Variants in LPP observed in about 807,000 individuals in gnomAD.
LPP encodes the protein LIM domain containing preferred translocation partner in lipoma.
A neutral mutation model predicts 60.4 loss-of-function variants in LPP; 38 were observed. That is an observed-to-expected ratio of 0.63 (90% CI 0.49 to 0.83). LPP has a LOEUF of 0.83. Among genes scored for constraint, LPP ranks in the 40% least tolerant of loss-of-function variants. The pLI, the probability that LPP is intolerant of heterozygous loss-of-function variation, is 0.00. For synonymous variants in LPP, 328 were observed against 290.8 expected (o/e 1.13, Z -1.30); for missense variants, 902 against 783.6 (o/e 1.15, Z -1.80).
intron 7 of LPP, among the ~76,000 whole-genome samples, chr3:188,635,987 A>T (rs1848657782): frequency 6.6e-6 from 1 of 152,230 alleles, no homozygotes; most frequent in Admixed American, 6.5e-5. Flanking sequence ...TGAAAAGGAA[A>T]TTGAAGGATG....
intron 2 of LPP, among the ~76,000 whole-genome samples, chr3:188,240,336 G>C (rs1577477132): frequency 1.3e-5 from 2 of 148,794 alleles, no homozygotes; most frequent in South Asian, 2.1e-4. Flanking sequence ...AGGAGTTTTG[G>C]GTAAGAGTGT....
intron 2 of LPP, among the ~76,000 whole-genome samples, chr3:188,248,936 A>C (rs1728088309): frequency 6.6e-6 from 1 of 152,180 alleles, no homozygotes; most frequent in East Asian, 1.9e-4. Context: ...CTCAGGTTGC[A>C]AACATAGTGA....
chr3:188,360,399 C>G (rs1408540226), intron 3 of LPP, among the ~76,000 whole-genome samples: 1 of 152,146 alleles, frequency 6.6e-6, no homozygotes, highest in Non-Finnish European at 1.5e-5. Flanking sequence ...TCTTTCCTTT[C>G]TTCCTTGCCT....
At chr3:188,200,034 T>A (rs1463748914) in intron 1 of LPP, among the ~76,000 whole-genome samples, 1 of 152,134 alleles carries the variant, frequency 6.6e-6, no homozygotes. Context: ...CTGAGATATT[T>A]TTTGTTCCTT....
chr3:188,436,963 C>A (rs1182948184), intron 4 of LPP, among the ~76,000 whole-genome samples: 1 of 151,838 alleles, frequency 6.6e-6, no homozygotes, highest in East Asian at 1.9e-4. Context: ...TTCAGAGGTG[C>A]AGTAGGGATG....
intron 4 of LPP, among the ~76,000 whole-genome samples, chr3:188,452,624 T>C (rs958297474): frequency 2.0e-5 from 3 of 152,114 alleles, no homozygotes; most frequent in Admixed American, 1.3e-4. Context: ...TAGAACTTAA[T>C]GCTTTCCGTT....
chr3:188,252,988 G>T (rs565722580), intron 2 of LPP, among the ~76,000 whole-genome samples: 1 of 151,426 alleles, frequency 6.6e-6, no homozygotes, highest in Non-Finnish European at 1.5e-5. Flanking sequence ...GGCCAGGCTG[G>T]TCTCAAACTC....
intron 9 of LPP, among the ~76,000 whole-genome samples, chr3:188,760,956 T>C (rs1732120527): frequency 6.6e-6 from 1 of 152,228 alleles, no homozygotes; most frequent in Non-Finnish European, 1.5e-5. Flanking sequence ...TCAGTCATGT[T>C]ACCTTAGCGT....
intron 9 of LPP, among the ~76,000 whole-genome samples, chr3:188,772,686 G>T (rs1736456503): frequency 6.6e-6 from 1 of 151,876 alleles, no homozygotes. Flanking sequence ...GTAGAGACGG[G>T]GTTTCACCGT....
intron 7 of LPP, among the ~76,000 whole-genome samples, chr3:188,659,110 C>T: frequency 6.6e-6 from 1 of 152,136 alleles, no homozygotes; most frequent in East Asian, 1.9e-4. Context: ...AATAATAGTG[C>T]ATCTTGATGC....
chr3:188,327,602 A>T (rs1032447098), intron 2 of LPP, among the ~76,000 whole-genome samples: 5 of 152,198 alleles, frequency 3.3e-5, no homozygotes, highest in Non-Finnish European at 7.3e-5. Flanking sequence ...GAAGGCACAC[A>T]GTGAGTATTT....
intron 3 of LPP, among the ~76,000 whole-genome samples, chr3:188,394,528 G>T (rs1780435702): frequency 6.9e-6 from 1 of 145,322 alleles, no homozygotes; most frequent in Admixed American, 6.9e-5. Context: ...TGGGTCCTTT[G>T]CTACTTCTTT....
At position 188,182,055 on chromosome 3, in the gene LPP, C is replaced by A. The variant is rs1052316710; in HGVS notation, c.-190+27803C>A. Among the ~76,000 whole-genome samples the A allele has an allele frequency of 1.3e-5, 2 of 152,186 alleles. No homozygotes were observed. Among genetic ancestry groups the A allele is most frequent in the Admixed American group, 6.5e-5 (1 of 15,278 alleles). On this transcript the variant is annotated intron_variant, in intron 1 of 11. Transcript: ENST00000617246. The surrounding 1 kb of genome is among the most constrained non-coding windows in gnomAD (Gnocchi z 4.4). ...ATAGAATTTAAGGCACATTTTATTG[C>A]GAGTATTTGCTGAGATGTCTCTTTC...
rs538796233 is a variant in LPP at position 188,245,598 on chromosome 3, A to G, written c.-67+20071A>G. ...TGATAATGTCACCTATGCAATAAAG[A>G]CCACAAAGTAAATTTAATAAAATAG... On this transcript the variant is annotated intron_variant, in intron 2 of 11. Coordinates refer to ENST00000617246, the MANE Select transcript of LPP (RefSeq NM_001375462.1). Among the ~76,000 whole-genome samples the G allele has an allele frequency of 2.1e-3, 315 of 152,064 alleles. 1 individual carries two copies. Among genetic ancestry groups the G allele is most frequent in the Non-Finnish European group, 3.3e-3 (224 of 68,002 alleles).
intron 5 of LPP, among the ~76,000 whole-genome samples, chr3:188,512,814 A>G (rs2150048682): frequency 6.6e-6 from 1 of 152,248 alleles, no homozygotes; most frequent in South Asian, 2.1e-4. Context: ...AATTTTGGGG[A>G]ATGTGAGAAA....
At chr3:188,511,004 G>A (rs1201317472) in intron 5 of LPP, among the ~76,000 whole-genome samples, 1 of 151,338 alleles carries the variant, frequency 6.6e-6, no homozygotes, top group Non-Finnish European at 1.5e-5. Flanking sequence ...TAAGCTCTTG[G>A]CAGAGAACCC....
chr3:188,202,415 G>A (rs555943979), intron 1 of LPP, among the ~76,000 whole-genome samples: 1 of 152,332 alleles, frequency 6.6e-6, no homozygotes, highest in East Asian at 1.9e-4. Context: ...TGCTGACACC[G>A]AAGAGAGATG....
At chr3:188,715,468 A>C (rs1357145692) in intron 8 of LPP, among the ~76,000 whole-genome samples, 1 of 151,930 alleles carries the variant, frequency 6.6e-6, no homozygotes, top group East Asian at 1.9e-4. Flanking sequence ...CAGAGCTTAT[A>C]ATAGAAAATG....
chr3:188,188,035 A>G (rs1309019707), intron 1 of LPP, among the ~76,000 whole-genome samples: 1 of 152,164 alleles, frequency 6.6e-6, no homozygotes, highest in East Asian at 1.9e-4. Flanking sequence ...CATATTGTTG[A>G]ATGGGAGTTA....
Sources: allele counts gnomAD v4.1 joint callset (sites outside exome capture counted in the v4.1 genomes callset), GRCh38; gene constraint gnomAD v4.1.1; non-coding constraint Gnocchi (gnomAD v3.1); transcripts MANE v1.5; gene names NCBI Gene and HGNC (gene_info 2026-07-23, HGNC 2026-07-21).